ASAP1: variants seen among roughly 807,000 people sequenced by gnomAD.
ASAP1 encodes the protein ArfGAP with SH3 domain, ankyrin repeat and PH domain 1.
ASAP1 carries 43 observed loss-of-function variants against 145.2 expected under a neutral mutation model. The ratio of observed to expected loss-of-function variants is 0.30; its 90% CI spans 0.23 to 0.38. The LOEUF is 0.38. Ranked by LOEUF, ASAP1 falls within the 10% of genes least tolerant of loss-of-function variation. The pLI, the probability that ASAP1 is intolerant of heterozygous loss-of-function variation, is 1.00. For missense variants in ASAP1, 1,018 were observed against 1,355.3 expected, an observed-to-expected ratio of 0.75 and a Z score of 3.91; for synonymous variants, 546 against 515.5, an observed-to-expected ratio of 1.06 and a Z score of -0.80.
At chr8:130,299,392 CAAAT>C (rs1230394141) in intron 3 of ASAP1, among the ~76,000 whole-genome samples, 3 of 152,216 alleles carry the variant, frequency 2.0e-5, no homozygotes, top group East Asian at 1.9e-4. Context: ...AAGTAGGTCA[CAAAT>C]AAACTCAGCA....
rs143799385 is a variant in ASAP1, at chr8:130,325,445, A to G, written c.186+32572T>C. The stretch of plus-strand genomic sequence containing the variant: ...CAAGTATCCTTGTTAAGAAAAAGAC[A>G]TCTGTAGCACTTATCATATTTTGTT... On this transcript the variant is annotated intron_variant, in intron 3 of 29. Coordinates refer to ENST00000518721, the MANE Select transcript of ASAP1 (RefSeq NM_018482.4). Among the ~76,000 whole-genome samples the G allele has an allele frequency of 1.9e-3, 295 of 152,368 alleles. 4 individuals are homozygous for G. Among genetic ancestry groups the G allele is most frequent in the Admixed American group, 0.014 (222 of 15,312 alleles).
At chr8:130,334,631 C>G (rs146885841) in intron 3 of ASAP1, among the ~76,000 whole-genome samples, 8 of 152,250 alleles carry the variant, frequency 5.3e-5, no homozygotes, top group Non-Finnish European at 1.2e-4. Flanking sequence ...TTTAACAATT[C>G]AGAGGGAAAA....
At chr8:130,244,730 G>A (rs892645273) in intron 3 of ASAP1, among the ~76,000 whole-genome samples, 5 of 152,148 alleles carry the variant, frequency 3.3e-5, no homozygotes, top group African/African-American at 1.2e-4. Context: ...AGGTTGGAAA[G>A]TAATTAAGCA....
At chr8:130,204,063 T>A (rs564349622) in intron 5 of ASAP1, among the ~76,000 whole-genome samples, 27 of 152,132 alleles carry the variant, frequency 1.8e-4, no homozygotes, top group Non-Finnish European at 2.2e-4. Context: ...CCGGTACAGG[T>A]CTGTGGCTTG....
chr8:130,320,787 T>C (rs1363984442), intron 3 of ASAP1, among the ~76,000 whole-genome samples: 2 of 152,030 alleles, frequency 1.3e-5, no homozygotes, highest in African/African-American at 2.4e-5. Context: ...GAAAGTAGAA[T>C]TTACCAATGG....
chr8:130,076,539 T>C (rs2097462783), intron 26 of ASAP1, 133 bp from the exon 27 acceptor site: 1 of 665,766 alleles, frequency 1.5e-6, no homozygotes, highest in Admixed American at 3.0e-5. Flanking sequence ...CCTTTTTTTT[T>C]GAGATGGAGT....
At position 130,167,312 on chromosome 8, in the gene ASAP1, A is replaced by T. The variant is rs973160702; in HGVS notation, c.909+224T>A. 13 of 554,130 alleles carry T rather than the reference A, an allele frequency of 2.3e-5. No homozygotes were observed. In the Admixed American group the frequency reaches 3.3e-4, roughly 14 times the overall value. 34.3% of individuals were successfully genotyped at this position (554,130 alleles called of 1,614,324 possible). ...CCCTGTCTCAAAAAAGTAAAGAAAA[A>T]AGAAAAAAAAAAAATCCAGAGTCAT... On this transcript the variant is annotated intron_variant, in intron 11 of 29. Coordinates refer to ENST00000518721, the MANE Select transcript of ASAP1 (RefSeq NM_018482.4).
Position 130,092,158 on chromosome 8 carries a change from G to A in ASAP1, c.2402-15C>T. The A allele has an allele frequency of 1.3e-6, 2 of 1,564,682 alleles. No individual in the cohort carries two copies. Among genetic ancestry groups the A allele is most frequent in the Non-Finnish European group, 1.7e-6 (2 of 1,162,438 alleles). On this transcript the variant is annotated splice_polypyrimidine_tract_variant and intron_variant, in intron 24 of 29. Coordinates refer to ENST00000518721, the MANE Select transcript of ASAP1 (RefSeq NM_018482.4). ...GCCAGTTGGACCTAGAAAGGAAATT[G>A]AATGGGGGCAGGAAGATTAATCCCA...
At chr8:130,263,644 C>A (rs1247355583) in intron 3 of ASAP1, among the ~76,000 whole-genome samples, 1 of 152,054 alleles carries the variant, frequency 6.6e-6, no homozygotes, top group South Asian at 2.1e-4. Context: ...GCCTAAAAAC[C>A]CTATGAAGTG....
At chr8:130,072,828 C>CGCGCGCGCGA (rs1564928208) in intron 27 of ASAP1, among the ~76,000 whole-genome samples, 2 of 27,686 alleles carry the variant, frequency 7.2e-5, no homozygotes, top group Non-Finnish European at 1.3e-4. Context: ...TGTGTGTGCG[C>CGCGCGCGCGA]GCGGGGGGGG....
At chr8:130,220,760 T>C (rs1175187355) in intron 4 of ASAP1, among the ~76,000 whole-genome samples, 2 of 152,144 alleles carry the variant, frequency 1.3e-5, no homozygotes, top group Non-Finnish European at 2.9e-5. Flanking sequence ...AGTTCAGCCA[T>C]GGCTGAGGAG....
intron 1 of ASAP1, among the ~76,000 whole-genome samples, chr8:130,410,861 CTTCT>C (rs1829236619): frequency 1.3e-5 from 2 of 152,120 alleles, no homozygotes; most frequent in Non-Finnish European, 2.9e-5. Context: ...CCTGTGTCAT[CTTCT>C]TTTTCTGTTT....
chr8:130,064,364 CG>C (rs1447400049), intron 27 of ASAP1, among the ~76,000 whole-genome samples: 1 of 152,090 alleles, frequency 6.6e-6, no homozygotes, highest in Admixed American at 6.5e-5. Flanking sequence ...GTGAGAGAAA[CG>C]GAAGAGCTAA....
intron 7 of ASAP1, 21 bp downstream of exon 7, chr8:130,187,215 T>C: frequency 6.3e-7 from 1 of 1,589,286 alleles, no homozygotes; most frequent in Non-Finnish European, 8.5e-7. Context: ...AAACAAAAAC[T>C]CTAAACAAAA....
At chr8:130,262,724 T>C (rs1252896494) in intron 3 of ASAP1, among the ~76,000 whole-genome samples, 1 of 152,180 alleles carries the variant, frequency 6.6e-6, no homozygotes, top group Non-Finnish European at 1.5e-5. Context: ...CCAAAAGCTC[T>C]AAGAGAGCAG....
At chr8:130,282,882 G>C (rs1821338485) in intron 3 of ASAP1, among the ~76,000 whole-genome samples, 1 of 152,224 alleles carries the variant, frequency 6.6e-6, no homozygotes, top group African/African-American at 2.4e-5. Flanking sequence ...ATAACAAGGA[G>C]TGGGTTTCGC....
At chr8:130,281,615 CAACTT>C (rs993417258) in intron 3 of ASAP1, among the ~76,000 whole-genome samples, 1 of 152,158 alleles carries the variant, frequency 6.6e-6, no homozygotes, top group African/African-American at 2.4e-5. Flanking sequence ...AAAAAACAAA[CAACTT>C]AATTTATTCT....
At chr8:130,250,287 G>C (rs1304006818) in intron 3 of ASAP1, among the ~76,000 whole-genome samples, 3 of 152,138 alleles carry the variant, frequency 2.0e-5, no homozygotes, top group African/African-American at 7.2e-5. Context: ...AATTAAGTCA[G>C]AAAGTAGGGA....
intron 3 of ASAP1, among the ~76,000 whole-genome samples, chr8:130,265,682 G>T (rs1172524895): frequency 6.6e-6 from 1 of 151,848 alleles, no homozygotes; most frequent in Non-Finnish European, 1.5e-5. Flanking sequence ...CAAGACCAGC[G>T]ACCAGCTTGG....
Sources: gnomAD v4.1 joint callset for allele counts (sites outside exome capture counted in the v4.1 genomes callset) on GRCh38, gnomAD v4.1.1 for gene constraint, MANE v1.5 for transcripts, NCBI Gene and HGNC (gene_info 2026-07-23, HGNC 2026-07-21) for gene names.